FANCD2: variants seen among roughly 807,000 people sequenced by gnomAD.
FANCD2 encodes the protein FA complementation group D2, also known as Fanconi anemia group D2 protein.
A neutral mutation model predicts 192.3 loss-of-function variants in FANCD2; 131 were observed. The observed-to-expected ratio is 0.68, with a 90% CI of 0.59 to 0.79. The LOEUF is 0.79. Among genes scored for constraint, FANCD2 ranks in the 30% least tolerant of loss-of-function variants. The probability of loss-of-function intolerance (pLI) is 0.00; values close to 1 mark genes in which losing one functional copy is unlikely to be tolerated. For missense variants in FANCD2, 1,508 were observed against 1,701.6 expected, an observed-to-expected ratio of 0.89 and a Z score of 2.00; for synonymous variants, 524 against 612.5, an observed-to-expected ratio of 0.86 and a Z score of 2.13.
chr3:10,027,205 C>G (rs978413830), intron 1 of FANCD2, among the ~76,000 whole-genome samples: 1 of 152,174 alleles, frequency 6.6e-6, no homozygotes, highest in South Asian at 2.1e-4. Flanking sequence ...GTAAGTGAGA[C>G]TGGGTTCCTG....
chr3:10,098,580 C>A (rs764769075), intron 42 of FANCD2, 140 bp from the exon 43 acceptor site: 7 of 987,012 alleles, frequency 7.1e-6, no homozygotes, highest in African/African-American at 1.6e-5. Context: ...GATGCTGAAT[C>A]ACAAGTTGGT....
At position 10,081,366 on chromosome 3, in the gene FANCD2, C is replaced by T. The variant is rs552885346; in HGVS notation, c.3126C>T (p.His1042=). ...TTTAGTGTTTAGCTGCTGAGAATCACGGTGTAGTTGATGGACCAGGAGTGA... is the reference window on the plus strand; with the variant it reads ...TTTAGTGTTTAGCTGCTGAGAATCATGGTGTAGTTGATGGACCAGGAGTGA... ...NYFQCLAAEN[H]GVVDGPGVKV... is the part of the protein sequence containing the mutation. The change falls in exon 32 of 44, where the codon CAC becomes CAT. Residue 1042 remains histidine, a synonymous_variant. Transcript: ENST00000675286. 2.0e-5 allele frequency: 32 copies of T among 1,613,714 alleles called. No individual in the cohort carries two copies. The East Asian group carries it at 2.0e-4, about 10-fold the overall frequency.
rs1695306821 is a variant in FANCD2 at position 10,101,633 on chromosome 3, T to G, written c.*371T>G. The G allele has an allele frequency of 3.1e-6, 1 of 321,468 alleles. No individual in the cohort carries two copies. Among genetic ancestry groups the G allele is most frequent in the African/African-American group, 2.1e-5 (1 of 47,042 alleles). The allele number at this position is 321,468 out of a possible 1,614,324, so 19.9% of individuals were successfully genotyped here. A position where few individuals can be genotyped will look rare whatever the true frequency, so the allele number is the denominator to read the frequency against. On this transcript the variant is annotated 3_prime_UTR_variant, in exon 44 of 44. Transcript: ENST00000675286. ...CTCCTGAACTCATGATCCACCTGCCTCAGCCTCCCAAAGTGCTGGGATTAC... is the reference window on the plus strand; with the variant it reads ...CTCCTGAACTCATGATCCACCTGCCGCAGCCTCCCAAAGTGCTGGGATTAC...
At chr3:10,057,555 G>T (rs896029514) in intron 18 of FANCD2, among the ~76,000 whole-genome samples, 3 of 151,836 alleles carry the variant, frequency 2.0e-5, no homozygotes, top group African/African-American at 7.3e-5. Context: ...AGTAGAGACG[G>T]GGTTTCACCA....
intron 19 of FANCD2, among the ~76,000 whole-genome samples, chr3:10,061,760 T>TCTTCGC (rs952325387): frequency 6.6e-6 from 1 of 152,232 alleles, no homozygotes; most frequent in African/African-American, 2.4e-5. Flanking sequence ...AAATAAATAC[T>TCTTCGC]CTTCGCTGCC....
intron 18 of FANCD2, among the ~76,000 whole-genome samples, chr3:10,056,850 C>T (rs1177492937): frequency 1.3e-5 from 2 of 151,912 alleles, no homozygotes; most frequent in Non-Finnish European, 2.9e-5. Flanking sequence ...AGTCCTTTAC[C>T]CATTTTTGTT....
rs1575824898 is a variant in FANCD2 at position 10,081,520 on chromosome 3, G to A, written c.3224+56G>A. Reference sequence around the variant, plus strand: ...AGTATATACTTGCTTTTATTTGACAGTCACCAAGGCACTGAAATGTAGAAA... The same window carrying A: ...AGTATATACTTGCTTTTATTTGACAATCACCAAGGCACTGAAATGTAGAAA... On this transcript the variant is annotated intron_variant, in intron 32 of 43. Coordinates refer to ENST00000675286, the MANE Select transcript of FANCD2 (RefSeq NM_001018115.3). 5 of 1,148,740 alleles carry A rather than the reference G, an allele frequency of 4.4e-6. No homozygotes were observed. The East Asian group carries it at 1.2e-4, about 27-fold the overall frequency. The allele number at this position is 1,148,740 out of a possible 1,614,324, so 71.2% of individuals were successfully genotyped here.
rs570512566 is a variant in FANCD2 at position 10,040,033 on chromosome 3, CTTT to C, written c.695+205_695+207del. The C allele has an allele frequency of 0.16, 53,699 of 339,636 alleles. 2,344 individuals carry two copies. The highest frequency in any genetic ancestry group is 0.29 in the African/African-American group (11,859 of 40,412). The allele number at this position is 339,636 out of a possible 1,614,324, so 21.0% of individuals were successfully genotyped here. A position where few individuals can be genotyped will look rare whatever the true frequency, so the allele number is the denominator to read the frequency against. The stretch of plus-strand genomic sequence containing the variant: ...ATATTTGAATAGATCCACATACTTT[CTTT>C]TTTTTTTTTTTTTTTTCTGAGACAG... On this transcript the variant is annotated intron_variant, in intron 9 of 43. Transcript: ENST00000675286.
At chr3:10,083,061 C>T (rs1019378262) in intron 32 of FANCD2, among the ~76,000 whole-genome samples, 1 of 151,916 alleles carries the variant, frequency 6.6e-6, no homozygotes, top group African/African-American at 2.4e-5. Context: ...ACCCTGTCTC[C>T]ATAAAAAATA....
chr3:10,068,561 A>G (rs909733743), intron 26 of FANCD2, among the ~76,000 whole-genome samples: 27 of 152,074 alleles, frequency 1.8e-4, no homozygotes, highest in Admixed American at 8.5e-4. Context: ...TAAAATTTCC[A>G]TGCTACCCAA....
At chr3:10,089,747 C>A (rs1487120804) in intron 36 of FANCD2, among the ~76,000 whole-genome samples, 1 of 152,206 alleles carries the variant, frequency 6.6e-6, no homozygotes, top group East Asian at 1.9e-4. Context: ...GGATTACAGG[C>A]ATGAGCCATT....
chr3:10,036,143 G>A (rs947745634), intron 6 of FANCD2, 144 bp from the exon 7 acceptor site: 5 of 562,804 alleles, frequency 8.9e-6, no homozygotes, highest in East Asian at 3.2e-5. Context: ...CTGGAGTGGA[G>A]TGGTGCAATC....
In FANCD2 at chr3:10,067,178, G is replaced by C. The variant is rs112179204; in HGVS notation, c.2386-31G>C. 7 of 1,312,976 alleles carry C rather than the reference G, an allele frequency of 5.3e-6. No individual in the cohort carries two copies. In the African/African-American group the frequency reaches 7.3e-5, roughly 14 times the overall value. 81.3% of individuals were successfully genotyped at this position (1,312,976 alleles called of 1,614,324 possible). A position where few individuals can be genotyped will look rare whatever the true frequency, so the allele number is the denominator to read the frequency against. On this transcript the variant is annotated intron_variant, in intron 25 of 43. Coordinates refer to ENST00000675286, the MANE Select transcript of FANCD2 (RefSeq NM_001018115.3). Reference sequence around the variant, plus strand: ...AACAAGGTTAAAATCTGAACATTTGGAAGTATGAGAATGTAATTTGTACTT... The same window carrying C: ...AACAAGGTTAAAATCTGAACATTTGCAAGTATGAGAATGTAATTTGTACTT...
rs747006885 is a variant in FANCD2, at chr3:10,039,318, C to G, written c.531C>G (p.Val177=). The change falls in exon 8 of 44, where the codon GTC becomes GTG. Residue 177 remains valine, a synonymous_variant. Coordinates refer to ENST00000675286, the MANE Select transcript of FANCD2 (RefSeq NM_001018115.3). ...AAATCAACATACCTCGACTCATTGT[C>G]AGTCAACTAAAATGGCTTGACAGAG... The part of the protein sequence containing the change: ...SDEINIPRLI[V]SQLKWLDRVV... 3.7e-6 allele frequency: 6 copies of G among 1,613,922 alleles called. No individual in the cohort carries two copies. The Admixed American group carries it at 1.0e-4, about 27-fold the overall frequency.
chr3:10,055,627 A>G (rs1227058028), intron 18 of FANCD2, among the ~76,000 whole-genome samples: 1 of 151,976 alleles, frequency 6.6e-6, no homozygotes, highest in Non-Finnish European at 1.5e-5. Context: ...CCTGGCTAAC[A>G]CGGTGAAACC....
intron 2 of FANCD2, among the ~76,000 whole-genome samples, chr3:10,030,405 T>A (rs2086564039): frequency 6.6e-6 from 1 of 152,142 alleles, no homozygotes; most frequent in Non-Finnish European, 1.5e-5. Context: ...CCTCATTATG[T>A]CATTCTTAAT....
rs35870071 is a variant in FANCD2 at position 10,043,940 on chromosome 3, G to T, written c.1134+76G>T. On this transcript the variant is annotated intron_variant, in intron 14 of 43. Coordinates refer to ENST00000675286, the MANE Select transcript of FANCD2 (RefSeq NM_001018115.3). Reference sequence around the variant, plus strand: ...ACATTGGCTAGCTTGCCTTCCCACTGTCTTTCTTTCTCCCCCCTCCAGTCA... The same window carrying T: ...ACATTGGCTAGCTTGCCTTCCCACTTTCTTTCTTTCTCCCCCCTCCAGTCA... 147,079 of 1,147,592 alleles carry T rather than the reference G, an allele frequency of 0.13. 103 individuals are homozygous for T. The highest frequency in any genetic ancestry group is 0.26 in the African/African-American group (16,629 of 64,378). The allele number at this position is 1,147,592 out of a possible 1,614,324, so 71.1% of individuals were successfully genotyped here. A position where few individuals can be genotyped will look rare whatever the true frequency, so the allele number is the denominator to read the frequency against.
In FANCD2 at chr3:10,074,679, T is replaced by C. The variant is rs1271271122; in HGVS notation, c.2859+6T>C. 1.2e-6 allele frequency: 2 copies of C among 1,613,432 alleles called. No individual in the cohort carries two copies. The highest frequency in any genetic ancestry group is 1.7e-6 in the Non-Finnish European group (2 of 1,179,564). On this transcript the variant is annotated splice_donor_region_variant and intron_variant, in intron 29 of 43. Transcript: ENST00000675286. The stretch of plus-strand genomic sequence containing the variant: ...ATACTGAAATGCACACTGAAGTAAG[T>C]GACAGGCTAGGATCTCAGAATTTAA...
chr3:10,060,382 C>T lies in FANCD2; in HGVS notation c.1745C>T (p.Ala582Val), dbSNP rs768105189. The change falls in exon 19 of 44, where the codon GCT (alanine) becomes GTT (valine). Residue 582 changes from alanine (A) to valine (V), a missense_variant. By Grantham distance (64) the Ala-to-Val change is moderately conservative. Transcript: ENST00000675286. ...LIGIIGAVTM[A>V]GIMAADRSES... is the part of the protein sequence containing the mutation. ...GGGATTATTGGTGCTGTGACCATGG[C>T]TGGCATCATGGCGGCAGACAGGTAC... The T allele has an allele frequency of 8.1e-6, 13 of 1,613,850 alleles. No homozygotes were observed. The highest frequency in any genetic ancestry group is 1.7e-4 in the Middle Eastern group (1 of 5,986).
Sources: allele counts gnomAD v4.1 joint callset (sites outside exome capture counted in the v4.1 genomes callset), GRCh38; gene constraint gnomAD v4.1.1; transcripts MANE v1.5; gene names NCBI Gene and HGNC (gene_info 2026-07-23, HGNC 2026-07-21).